Variants in MEGF10 observed in about 807,000 individuals in gnomAD.
MEGF10 encodes the protein multiple epidermal growth factor-like domains protein 10.
Under a neutral mutation model 147.5 loss-of-function variants are expected in MEGF10, and 86 were observed. That is an observed-to-expected ratio of 0.58 (90% confidence interval 0.49 to 0.70). The LOEUF (loss-of-function observed/expected upper bound fraction) is 0.70. MEGF10 is among the 30% of genes least tolerant of loss of function. The probability of loss-of-function intolerance (pLI) is 0.00; values close to 1 mark genes in which losing one functional copy is unlikely to be tolerated. For synonymous variants in MEGF10, 478 were observed against 525.5 expected (o/e 0.91, Z 1.24); for missense variants, 1,329 against 1,487.3 (o/e 0.89, Z 1.75).
At chr5:127,252,945 A>G in the MEGF10 span, among the ~76,000 whole-genome samples, 1 of 151,920 alleles carries the variant, frequency 6.6e-6, no homozygotes, top group Non-Finnish European at 1.5e-5. Flanking sequence ...AATTCATTTA[A>G]TATGGCTAGC....
At chr5:127,339,098 T>TC in intron 2 of MEGF10, 22 bp from the exon 3 acceptor site, 1 of 1,490,854 alleles carries the variant, frequency 6.7e-7, no homozygotes, top group Non-Finnish European at 9.3e-7. Context: ...TACTGATTTC[T>TC]TATTTTTCCA....
chr5:127,339,232 C>T lies in MEGF10; in HGVS notation c.218+11C>T. On this transcript the variant is annotated intron_variant, in intron 3 of 24. Transcript: ENST00000503335. The stretch of plus-strand genomic sequence containing the variant: ...ATGCACGCGGCACAGGTAATAGAAG[C>T]TCAGGCATGTTTGTGAGTTTGGCTA... 6.3e-7 allele frequency: 1 copy of T among 1,586,348 alleles called. No individual in the cohort carries two copies. Among genetic ancestry groups the T allele is most frequent in the Non-Finnish European group, 8.6e-7 (1 of 1,156,432 alleles).
intron 5 of MEGF10, among the ~76,000 whole-genome samples, chr5:127,387,534 G>A (rs946843859): frequency 6.6e-6 from 1 of 152,198 alleles, no homozygotes; most frequent in East Asian, 1.9e-4. Flanking sequence ...GGCAGAAGCA[G>A]TTAATCTGCA....
chr5:127,431,104 C>T (rs1765375234), intron 13 of MEGF10, among the ~76,000 whole-genome samples: 1 of 152,168 alleles, frequency 6.6e-6, no homozygotes, highest in South Asian at 2.1e-4. Context: ...TGCAGTGGAT[C>T]TTCTTGCTAT....
Position 127,410,683 on chromosome 5 carries a change from A to G in MEGF10, c.1130+82A>G, listed in dbSNP as rs541242102. 1.0e-5 allele frequency: 13 copies of G among 1,288,360 alleles called. No homozygotes were observed. In the South Asian group the frequency reaches 1.5e-4, roughly 15 times the overall value. The allele number at this position is 1,288,360 out of a possible 1,614,324, so 79.8% of individuals were successfully genotyped here. On this transcript the variant is annotated intron_variant, in intron 9 of 24. Coordinates refer to ENST00000503335, the MANE Select transcript of MEGF10 (RefSeq NM_001256545.2). ...TCAGGATTTGGAAGGAGGGATTGAT[A>G]GAGTGATTCTCACCCCAAGCCCCCT...
Position 127,458,622 on chromosome 5 carries a change from A to T in MEGF10, c.*1304A>T, listed in dbSNP as rs1247091717. Reference sequence around the variant, plus strand: ...AAAATATATAATTTGAATTGATTAAAATTGGTCGTTACTAAAATAGTATAG... The same window carrying T: ...AAAATATATAATTTGAATTGATTAATATTGGTCGTTACTAAAATAGTATAG... On this transcript the variant is annotated 3_prime_UTR_variant, in exon 25 of 25. Transcript: ENST00000503335. 6.6e-6 allele frequency: 1 copy of T among 152,172 alleles called. No individual in the cohort carries two copies. Among genetic ancestry groups the T allele is most frequent in the Non-Finnish European group, 1.5e-5 (1 of 68,024 alleles). 9.4% of individuals were successfully genotyped at this position (152,172 alleles called of 1,614,324 possible). A position where few individuals can be genotyped will look rare whatever the true frequency, so the allele number is the denominator to read the frequency against.
the MEGF10 span, among the ~76,000 whole-genome samples, chr5:127,283,364 A>G: frequency 6.6e-6 from 1 of 152,222 alleles, no homozygotes; most frequent in Non-Finnish European, 1.5e-5. Context: ...CAATTTCAGG[A>G]AGATATTCAT....
chr5:127,448,658 C>A (rs1766039709), intron 21 of MEGF10, among the ~76,000 whole-genome samples: 1 of 152,160 alleles, frequency 6.6e-6, no homozygotes, highest in African/African-American at 2.4e-5. Flanking sequence ...TCAATTTATT[C>A]TCATACAAAT....
the MEGF10 span, among the ~76,000 whole-genome samples, chr5:127,269,299 G>A: frequency 6.6e-5 from 10 of 152,316 alleles, no homozygotes; most frequent in South Asian, 1.5e-3. Context: ...CGAGCTAAAG[G>A]AGCGAGTTCA....
intron 5 of MEGF10, among the ~76,000 whole-genome samples, chr5:127,380,603 C>T (rs969196846): frequency 2.6e-5 from 4 of 151,820 alleles, no homozygotes; most frequent in Non-Finnish European, 2.9e-5. Flanking sequence ...CTGCAACCCC[C>T]GCCTCCTGGG....
intron 1 of MEGF10, among the ~76,000 whole-genome samples, chr5:127,320,237 T>A (rs1030411398): frequency 2.6e-5 from 4 of 152,182 alleles, no homozygotes; most frequent in Non-Finnish European, 5.9e-5. Context: ...GACTAGAATT[T>A]ACCCCTGTCA....
At chr5:127,279,653 A>G in the MEGF10 span, among the ~76,000 whole-genome samples, 1 of 152,082 alleles carries the variant, frequency 6.6e-6, no homozygotes, top group East Asian at 1.9e-4. Context: ...TTTTTGCTAC[A>G]GTTTAGAATA....
chr5:127,266,457 G>A, the MEGF10 span, among the ~76,000 whole-genome samples: 5 of 152,300 alleles, frequency 3.3e-5, no homozygotes, highest in Middle Eastern at 3.4e-3. Context: ...ATTCTTTGAA[G>A]AAAGTCATTG....
chr5:127,452,287 T>A (rs952047886), intron 22 of MEGF10, among the ~76,000 whole-genome samples: 2 of 152,200 alleles, frequency 1.3e-5, no homozygotes, highest in African/African-American at 4.8e-5. Context: ...ACAGCTAAGA[T>A]TAAAATGGGC....
chr5:127,373,277 T>C (rs1359509486), intron 5 of MEGF10, among the ~76,000 whole-genome samples: 1 of 152,012 alleles, frequency 6.6e-6, no homozygotes, highest in African/African-American at 2.4e-5. Context: ...TCAGCCTCCC[T>C]AGTAGCTGGG....
At chr5:127,420,969 C>A (rs1764978125) in intron 12 of MEGF10, among the ~76,000 whole-genome samples, 1 of 152,204 alleles carries the variant, frequency 6.6e-6, no homozygotes, top group South Asian at 2.1e-4. Context: ...CTGAACTGGG[C>A]CCCTCGAGAA....
At chr5:127,237,965 T>C in the MEGF10 span, among the ~76,000 whole-genome samples, 1 of 151,808 alleles carries the variant, frequency 6.6e-6, no homozygotes, top group East Asian at 1.9e-4. Flanking sequence ...ATGATGTTGA[T>C]GATTTTATAC....
At chr5:127,346,324 A>G (rs1259606038) in intron 4 of MEGF10, among the ~76,000 whole-genome samples, 1 of 152,174 alleles carries the variant, frequency 6.6e-6, no homozygotes, top group Non-Finnish European at 1.5e-5. Context: ...GTTCCCACCA[A>G]CAGTGTAGAA....
chr5:127,407,507 TC>T (rs932687453), intron 8 of MEGF10, among the ~76,000 whole-genome samples: 4 of 152,228 alleles, frequency 2.6e-5, no homozygotes, highest in African/African-American at 9.6e-5. Context: ...TTAATGCTTA[TC>T]CATTCTTACC....
Sources: allele counts gnomAD v4.1 joint callset (sites outside exome capture counted in the v4.1 genomes callset), GRCh38; gene constraint gnomAD v4.1.1; transcripts MANE v1.5; gene names NCBI Gene and HGNC (gene_info 2026-07-23, HGNC 2026-07-21).